Variants in MAPK6 observed in about 807,000 individuals in gnomAD.
The protein encoded by MAPK6 is ERK-3.
MAPK6 carries 19 observed loss-of-function variants against 59.3 expected under a neutral mutation model. The observed-to-expected ratio is 0.32, with a 90% CI of 0.22 to 0.47. The LOEUF is 0.47. MAPK6 is among the 20% of genes least tolerant of loss of function. The pLI is 1.00. For missense variants in MAPK6, 724 were observed against 847.9 expected (o/e 0.85, Z 1.81); for synonymous variants, 316 against 290.3 (o/e 1.09, Z -0.90).
At chr15:51,992,305 A>ATTATT (rs2057212159) in intron 2 of MAPK6, among the ~76,000 whole-genome samples, 3 of 101,424 alleles carry the variant, frequency 3.0e-5, no homozygotes, top group Non-Finnish European at 6.0e-5. Flanking sequence ...ATATATATAT[A>ATTATT]TTTTTTTTTT....
chr15:52,034,454 C>T (rs745867142), intron 1 of MAPK6, among the ~76,000 whole-genome samples: 49 of 151,654 alleles, frequency 3.2e-4, no homozygotes, highest in Admixed American at 2.0e-3. Flanking sequence ...CTGGGACAGG[C>T]GCATGCCACC....
In MAPK6 at chr15:52,065,943, T is replaced by C. The variant is rs924249539; in HGVS notation, c.*943T>C. The C allele has an allele frequency of 6.6e-6, 1 of 152,656 alleles. No homozygotes were observed. The highest frequency in any genetic ancestry group is 1.5e-5 in the Non-Finnish European group (1 of 68,038). The allele number at this position is 152,656 out of a possible 1,614,324, so 9.5% of individuals were successfully genotyped here. Reference sequence around the variant, plus strand: ...AAATTAATTAGGAATTACTTTATTATAAAATGCTCCTAGAAGTCTTAATTG... The same window carrying C: ...AAATTAATTAGGAATTACTTTATTACAAAATGCTCCTAGAAGTCTTAATTG... On this transcript the variant is annotated 3_prime_UTR_variant, in exon 6 of 6. Coordinates refer to ENST00000261845, the MANE Select transcript of MAPK6 (RefSeq NM_002748.4).
intron 1 of MAPK6, among the ~76,000 whole-genome samples, chr15:52,023,803 C>T (rs1344745953): frequency 6.6e-6 from 1 of 152,082 alleles, no homozygotes; most frequent in African/African-American, 2.4e-5. Context: ...TTAGTACAGA[C>T]AGGGTTTCAT....
intron 2 of MAPK6, among the ~76,000 whole-genome samples, chr15:52,048,481 G>A (rs545431294): frequency 6.6e-6 from 1 of 152,114 alleles, no homozygotes; most frequent in South Asian, 2.1e-4. Flanking sequence ...GCTGTGCCTG[G>A]TGGTGCATGT....
chr15:52,061,213 T>G (rs1189492409), intron 4 of MAPK6, 86 bp from the exon 5 acceptor site: 2 of 973,078 alleles, frequency 2.1e-6, no homozygotes, highest in East Asian at 2.4e-5. Context: ...ACTTAGCTAG[T>G]CATTGAAATA....
chr15:51,972,191 T>G (rs1325690629), intron 1 of MAPK6, among the ~76,000 whole-genome samples: 2 of 152,096 alleles, frequency 1.3e-5, no homozygotes, highest in Admixed American at 6.5e-5. Context: ...CAGGCTGGAG[T>G]GCAGTGGCGC....
intron 4 of MAPK6, 91 bp downstream of exon 4, chr15:52,058,888 G>A: frequency 1.8e-6 from 2 of 1,097,074 alleles, no homozygotes; most frequent in South Asian, 2.1e-5. Context: ...CCTTAGATAT[G>A]GGGCTTTCTC....
At chr15:52,061,618 TAA>T (rs1481393253) in intron 5 of MAPK6, 118 bp downstream of exon 5, 1 of 802,240 alleles carries the variant, frequency 1.2e-6, no homozygotes, top group African/African-American at 1.7e-5. Context: ...TTTAGTAATG[TAA>T]AGATACAAAA....
chr15:52,027,734 A>T (rs2030857916), intron 1 of MAPK6: 1 of 148,642 alleles, frequency 6.7e-6, no homozygotes, highest in Non-Finnish European at 1.5e-5. Context: ...CACTCTGCTC[A>T]GCCTGTTGAT....
upstream of MAPK6, chr15:52,017,920 G>C (rs2030322768): frequency 6.6e-6 from 1 of 152,142 alleles, no homozygotes; most frequent in Admixed American, 6.5e-5. Flanking sequence ...CCTTTCTCTT[G>C]GTTTTTTTCA....
intron 1 of MAPK6, chr15:52,027,732 T>C (rs1443053470): frequency 6.7e-6 from 1 of 149,964 alleles, no homozygotes; most frequent in Non-Finnish European, 1.5e-5. Context: ...GCCACTCTGC[T>C]CAGCCTGTTG....
intron 2 of MAPK6, among the ~76,000 whole-genome samples, chr15:51,992,299 ATATATATTTT>A (rs1428245937): frequency 6.2e-5 from 3 of 48,264 alleles, no homozygotes; most frequent in African/African-American, 1.9e-4. Flanking sequence ...ATCTATATAT[ATATATATTTT>A]TTTTTTTTTT....
intron 3 of MAPK6, among the ~76,000 whole-genome samples, chr15:52,054,204 C>G (rs866934486): frequency 7.2e-5 from 11 of 151,766 alleles, no homozygotes; most frequent in African/African-American, 2.7e-4. Context: ...CCTGTCTCTA[C>G]TAAAAATACA....
chr15:52,017,198 C>T (rs932636449), upstream of MAPK6: 5 of 152,294 alleles, frequency 3.3e-5, no homozygotes, highest in African/African-American at 1.2e-4. Context: ...TTTATTTCAC[C>T]TGGGTGCAGG....
upstream of MAPK6, among the ~76,000 whole-genome samples, chr15:52,016,925 T>A (rs955474877): frequency 1.3e-5 from 2 of 152,132 alleles, no homozygotes; most frequent in Non-Finnish European, 2.9e-5. Flanking sequence ...GCACCTGTAG[T>A]CCCAGCTACT....
Position 51,987,433 on chromosome 15 carries a change from C to T in MAPK6, c.-770+4118C>T, listed in dbSNP as rs547159455. On this transcript the variant is annotated intron_variant, in intron 2 of 7. Transcript: ENST00000691380. ...CAGCCTGGCCAACATGGTGAAACGT[C>T]GTCTCTACTAAAAATACAAAAATTA... Among the ~76,000 whole-genome samples, 7 of 152,084 alleles carry T rather than the reference C, an allele frequency of 4.6e-5. No homozygotes were observed. The East Asian group carries it at 1.2e-3, about 25-fold the overall frequency.
At chr15:51,981,732 C>T (rs1382797123) in intron 1 of MAPK6, among the ~76,000 whole-genome samples, 3 of 152,010 alleles carry the variant, frequency 2.0e-5, no homozygotes, top group Non-Finnish European at 4.4e-5. Flanking sequence ...GGTCAGCGTA[C>T]TCAACACCAG....
At chr15:52,028,198 C>T (rs1019882084) in intron 1 of MAPK6, among the ~76,000 whole-genome samples, 2 of 151,634 alleles carry the variant, frequency 1.3e-5, no homozygotes, top group Admixed American at 6.6e-5. Context: ...GTGATCCGCC[C>T]GCCTCGGCCT....
At chr15:52,014,488 GA>G (rs2030176082), upstream of MAPK6, among the ~76,000 whole-genome samples, 1 of 152,070 alleles carries the variant, frequency 6.6e-6, no homozygotes, top group Non-Finnish European at 1.5e-5. Context: ...GAGGCAGGAG[GA>G]TCACTTGAGC....
Sources: allele counts gnomAD v4.1 joint callset (sites outside exome capture counted in the v4.1 genomes callset), GRCh38; gene constraint gnomAD v4.1.1; transcripts MANE v1.5; gene names NCBI Gene and HGNC (gene_info 2026-07-23, HGNC 2026-07-21).